CRYBG2: variants seen among roughly 807,000 people sequenced by gnomAD.
The protein encoded by CRYBG2 is crystallin beta-gamma domain containing 2, also known as beta/gamma crystallin domain-containing protein 2.
CRYBG2 carries 106 observed loss-of-function variants against 153.4 expected under a neutral mutation model. The observed-to-expected ratio is 0.69, with a 90% CI of 0.59 to 0.81. The LOEUF (loss-of-function observed/expected upper bound fraction) is 0.81. Ranked by LOEUF, CRYBG2 falls within the 30% of genes least tolerant of loss-of-function variation. The pLI, the probability that CRYBG2 is intolerant of heterozygous loss-of-function variation, is 0.00. For missense variants in CRYBG2, 1,996 were observed against 2,112.0 expected (o/e 0.95, Z 1.08); for synonymous variants, 851 against 877.8 (o/e 0.97, Z 0.54).
Position 26,337,075 on chromosome 1 carries a change from G to A in CRYBG2, c.3772-95C>T, listed in dbSNP as rs1482448752. 1.1e-5 allele frequency: 17 copies of A among 1,569,154 alleles called. No individual in the cohort carries two copies. In the Admixed American group the frequency reaches 3.0e-4, roughly 28 times the overall value. On this transcript the variant is annotated intron_variant, in intron 10 of 19. Coordinates refer to ENST00000308182, the MANE Select transcript of CRYBG2 (RefSeq NM_001039775.4). ...GGGTCACAGCCCACCCGGGGAATTA[G>A]GGGTGAGGCTGTCAGTACGACCTGG...
Position 26,339,442 on chromosome 1 carries a change from G to A in CRYBG2, c.3205-13C>T, listed in dbSNP as rs1438238354. Reference sequence around the variant, plus strand: ...GGGTGCTGTAGTCCTGTGGAAGGAGGGGGAAAATTAAATATAGATAAACAG... The same window carrying A: ...GGGTGCTGTAGTCCTGTGGAAGGAGAGGGAAAATTAAATATAGATAAACAG... On this transcript the variant is annotated splice_polypyrimidine_tract_variant and intron_variant, in intron 5 of 19. Coordinates refer to ENST00000308182, the MANE Select transcript of CRYBG2 (RefSeq NM_001039775.4). 1 of 1,613,312 alleles carries A rather than the reference G, an allele frequency of 6.2e-7. No individual in the cohort carries two copies. The highest frequency in any genetic ancestry group is 1.3e-5 in the African/African-American group (1 of 75,032).
intron 5 of CRYBG2, among the ~76,000 whole-genome samples, chr1:26,340,855 G>T (rs1217790291): frequency 6.6e-6 from 1 of 151,838 alleles, no homozygotes; most frequent in East Asian, 2.0e-4. Flanking sequence ...GACCTCAGGT[G>T]ATCCACCTGC....
At chr1:26,338,505 C>G in intron 6 of CRYBG2, 28 bp from the exon 7 acceptor site, 1 of 1,566,752 alleles carries the variant, frequency 6.4e-7, no homozygotes, top group South Asian at 1.2e-5. Context: ...GCTGCTGCAC[C>G]CTAGCAGAGA....
chr1:26,339,338 C>T lies in CRYBG2; in HGVS notation c.3296G>A (p.Gly1099Asp). 6.2e-7 allele frequency: 1 copy of T among 1,614,222 alleles called. No homozygotes were observed. The highest frequency in any genetic ancestry group is 8.5e-7 in the Non-Finnish European group (1 of 1,180,048). ...KLTEALKNSQ[G>D]LEKPLQVASA... ...TGCCACCTGCAGGGGCTTCTCCAGACCCTGGGAATTCTTCAAGGCCTCTGT... is the reference window on the plus strand; with the variant it reads ...TGCCACCTGCAGGGGCTTCTCCAGATCCTGGGAATTCTTCAAGGCCTCTGT... The change falls in exon 6 of 20, where the codon GGT becomes GAT. Residue 1099 changes from glycine (G) to aspartate (D), a missense_variant. Coordinates refer to ENST00000308182, the MANE Select transcript of CRYBG2 (RefSeq NM_001039775.4).
In CRYBG2 at chr1:26,344,489, A is replaced by T. The variant is rs1162444663; in HGVS notation, c.2169T>A (p.Pro723=). ...DRVSPSPGGT[P]APVPTGAEAS... is the part of the protein sequence containing the mutation. ...CCTCTGCTCCTGTTGGCACTGGGGC[A>T]GGGGTGCCTCCTGGGCTGGGGGACA... The change falls in exon 2 of 20, where the codon CCT becomes CCA. Residue 723 remains proline (P), a synonymous_variant. Transcript: ENST00000308182. 1.3e-6 allele frequency: 2 copies of T among 1,544,194 alleles called. No homozygotes were observed. Among genetic ancestry groups the T allele is most frequent in the Admixed American group, 2.0e-5 (1 of 50,666 alleles).
At chr1:26,334,124 T>C (rs1468221847) in intron 14 of CRYBG2, among the ~76,000 whole-genome samples, 4 of 152,128 alleles carry the variant, frequency 2.6e-5, no homozygotes, top group Admixed American at 1.3e-4. Context: ...TAATTATTCA[T>C]AGGAAAACAG....
chr1:26,325,486 G>C lies in CRYBG2; in HGVS notation c.4579-1176C>G, dbSNP rs1219258887. On this transcript the variant is annotated intron_variant, in intron 17 of 19. Transcript: ENST00000308182. The surrounding 1 kb of genome is among the most constrained non-coding windows in gnomAD (Gnocchi z 4.1). ...GAGGCAGGAGAATCGCTTGAACCCG[G>C]GAGATGTAGGTTGCAGTGAGCCGAG... Among the ~76,000 whole-genome samples, 1 of 150,692 alleles carries C rather than the reference G, an allele frequency of 6.6e-6. No homozygotes were observed. The highest frequency in any genetic ancestry group is 1.5e-5 in the Non-Finnish European group (1 of 67,614).
rs571088700 is a variant in CRYBG2, at chr1:26,333,217, C to T, written c.4185-1599G>A. On this transcript the variant is annotated intron_variant, in intron 14 of 19. Coordinates refer to ENST00000308182, the MANE Select transcript of CRYBG2 (RefSeq NM_001039775.4). ...GAGGTGGGGCCTTTAGGAGGTAATT[C>T]GGTTTAGAGGGGGTCATGAGGGTGA... Among the ~76,000 whole-genome samples the T allele has an allele frequency of 4.6e-5, 7 of 151,746 alleles. No individual in the cohort carries two copies. The East Asian group carries it at 7.8e-4, about 17-fold the overall frequency.
At chr1:26,322,712 C>T (rs947310510) in intron 18 of CRYBG2, among the ~76,000 whole-genome samples, 1 of 152,132 alleles carries the variant, frequency 6.6e-6, no homozygotes, top group Non-Finnish European at 1.5e-5. Flanking sequence ...AAAGACCTGC[C>T]CCACGGTACT....
In CRYBG2 at chr1:26,344,630, G is replaced by A; in HGVS notation, c.2028C>T (p.Pro676=). 1 of 1,535,962 alleles carries A rather than the reference G, an allele frequency of 6.5e-7. No homozygotes were observed. Residue 676 remains proline (P), a synonymous_variant, in exon 2 of 20, where the codon CCC becomes CCT. Coordinates refer to ENST00000308182, the MANE Select transcript of CRYBG2 (RefSeq NM_001039775.4). ...QGPIAPATSL[P]KQDKGVQDSE... ...AGTCCTGGACCCCCTTATCCTGTTT[G>A]GGGAGTGAGGTGGCAGGAGCAATTG... is the stretch of plus-strand genomic sequence containing the variant.
chr1:26,341,941 T>G (rs905391712), intron 5 of CRYBG2, among the ~76,000 whole-genome samples: 36 of 152,314 alleles, frequency 2.4e-4, no homozygotes, highest in African/African-American at 8.4e-4. Flanking sequence ...AAATCCCTAG[T>G]CTGGCTATAT....
At chr1:26,333,055 A>G (rs2074017248) in intron 14 of CRYBG2, among the ~76,000 whole-genome samples, 1 of 144,058 alleles carries the variant, frequency 6.9e-6, no homozygotes, top group South Asian at 2.3e-4. Flanking sequence ...AAGATTTCTA[A>G]CAGCGGGAGA....
intron 1 of CRYBG2, among the ~76,000 whole-genome samples, chr1:26,351,026 C>T (rs953042990): frequency 6.6e-6 from 1 of 152,188 alleles, no homozygotes; most frequent in African/African-American, 2.4e-5. Flanking sequence ...TGACCTGACT[C>T]CAGGACTGCT....
intron 15 of CRYBG2, among the ~76,000 whole-genome samples, chr1:26,329,535 A>G (rs1185197267): frequency 6.8e-6 from 1 of 148,138 alleles, no homozygotes. Context: ...GCTGGAGTGC[A>G]GTGGTGCAAT....
intron 1 of CRYBG2, among the ~76,000 whole-genome samples, chr1:26,352,607 C>T (rs1289587593): frequency 6.6e-6 from 1 of 152,112 alleles, no homozygotes; most frequent in Non-Finnish European, 1.5e-5. Flanking sequence ...AGGAAGGGGA[C>T]ATAGAAGGAT....
intron 10 of CRYBG2, 55 bp downstream of exon 10, chr1:26,337,198 G>C: frequency 6.2e-7 from 1 of 1,609,084 alleles, no homozygotes; most frequent in Non-Finnish European, 8.5e-7. Context: ...AACTGTACTG[G>C]GGGAGGTCTG....
chr1:26,326,013 C>T (rs1303013114), intron 17 of CRYBG2, among the ~76,000 whole-genome samples: 1 of 152,042 alleles, frequency 6.6e-6, no homozygotes, highest in African/African-American at 2.4e-5. Context: ...GGTGATCCTC[C>T]CGAGTAGCTG....
chr1:26,339,213 G>A (rs2124706728), intron 6 of CRYBG2, 77 bp downstream of exon 6: 2 of 1,535,018 alleles, frequency 1.3e-6, no homozygotes, highest in East Asian at 2.3e-5. Context: ...CAGGAACTGT[G>A]TTCTGTCACC....
At chr1:26,324,766 T>C (rs1402318177) in intron 17 of CRYBG2, 1 of 152,580 alleles carries the variant, frequency 6.6e-6, no homozygotes, top group African/African-American at 2.4e-5. Context: ...GCACACACAC[T>C]TACAGAAAGA....
Sources: gnomAD v4.1 joint callset for allele counts (sites outside exome capture counted in the v4.1 genomes callset) on GRCh38, gnomAD v4.1.1 for gene constraint, Gnocchi (gnomAD v3.1) non-coding constraint, MANE v1.5 for transcripts, NCBI Gene and HGNC (gene_info 2026-07-23, HGNC 2026-07-21) for gene names.